The following RBM39 variants were observed in gnomAD, a reference collection of about 807,000 sequenced individuals.
RBM39 encodes the protein RNA binding motif protein 39.
Under a neutral mutation model 79.6 loss-of-function variants are expected in RBM39, and 12 were observed. The ratio of observed to expected loss-of-function variants is 0.15; its 90% CI spans 0.10 to 0.24. The LOEUF is 0.24. RBM39 is among the 10% of genes least tolerant of loss of function. The probability of loss-of-function intolerance (pLI) is 1.00; values close to 1 mark genes in which losing one functional copy is unlikely to be tolerated. For synonymous variants in RBM39, 185 were observed against 208.4 expected (o/e 0.89, Z 0.97); for missense variants, 243 against 653.4 (o/e 0.37, Z 6.85).
Position 35,704,340 on chromosome 20 carries a change from T to C in RBM39, c.*141A>G. The stretch of plus-strand genomic sequence containing the variant: ...AGCACACTGCATTCCTGTTAACATT[T>C]TTATTTTTTCAAGGTAACAGGAAAT... On this transcript the variant is annotated 3_prime_UTR_variant, in exon 17 of 17. Transcript: ENST00000253363. 3.2e-6 allele frequency: 2 copies of C among 626,946 alleles called. No homozygotes were observed. The highest frequency in any genetic ancestry group is 2.7e-6 in the Non-Finnish European group (1 of 369,076). The allele number at this position is 626,946 out of a possible 1,614,324, so 38.8% of individuals were successfully genotyped here.
At chr20:35,734,495 G>T (rs1044936260) in intron 3 of RBM39, 2 of 218,744 alleles carry the variant, frequency 9.1e-6, no homozygotes, top group South Asian at 1.2e-4. Flanking sequence ...TTCAATTAGG[G>T]AACAAGGTAA....
intron 9 of RBM39, among the ~76,000 whole-genome samples, chr20:35,719,540 T>C (rs2037628417): frequency 6.6e-6 from 1 of 151,686 alleles, no homozygotes; most frequent in African/African-American, 2.4e-5. Context: ...AGCTGGGCGT[T>C]GTGGTCAGAG....
At chr20:35,737,044 G>A (rs1488636548) in intron 3 of RBM39, among the ~76,000 whole-genome samples, 1 of 150,810 alleles carries the variant, frequency 6.6e-6, no homozygotes, top group African/African-American at 2.4e-5. Context: ...GGATCATGAG[G>A]TCAAGAGATG....
At chr20:35,735,023 CTA>C in intron 3 of RBM39, 1 of 1,606,646 alleles carries the variant, frequency 6.2e-7, no homozygotes, top group Non-Finnish European at 8.5e-7. Context: ...AGGTGTTTTG[CTA>C]TAACTGGATT....
intron 9 of RBM39, 112 bp from the exon 10 acceptor site, chr20:35,716,917 G>T: frequency 1.5e-6 from 1 of 654,616 alleles, no homozygotes; most frequent in South Asian, 2.0e-5. Context: ...CAAAATAGAA[G>T]ACTTATCACA....
chr20:35,719,833 G>A (rs919275563), intron 9 of RBM39, among the ~76,000 whole-genome samples: 1 of 152,002 alleles, frequency 6.6e-6, no homozygotes, highest in Non-Finnish European at 1.5e-5. Context: ...CTCTGGCTCT[G>A]TTATCCAGGC....
chr20:35,741,179 G>T (rs2040490335), intron 1 of RBM39, among the ~76,000 whole-genome samples: 1 of 151,272 alleles, frequency 6.6e-6, no homozygotes, highest in Non-Finnish European at 1.5e-5. Context: ...GATCACAGGC[G>T]CCTGCCACCA....
At chr20:35,735,773 G>A (rs910974541) in intron 3 of RBM39, among the ~76,000 whole-genome samples, 2 of 152,178 alleles carry the variant, frequency 1.3e-5, no homozygotes, top group African/African-American at 4.8e-5. Context: ...AGTCTGACTG[G>A]AAAGTATTTT....
At chr20:35,712,066 A>G (rs2036484610) in intron 12 of RBM39, among the ~76,000 whole-genome samples, 1 of 152,038 alleles carries the variant, frequency 6.6e-6, no homozygotes, top group African/African-American at 2.4e-5. Flanking sequence ...CCCACCAACA[A>G]AATAACAAAA....
chr20:35,712,950 G>A, intron 12 of RBM39, 69 bp downstream of exon 12: 1 of 1,310,098 alleles, frequency 7.6e-7, no homozygotes, highest in Non-Finnish European at 1.1e-6. Context: ...CCTTTTAAAT[G>A]TAAAAATTTG....
At position 35,734,502 on chromosome 20, in the gene RBM39, G is replaced by A. The variant is rs1600620941; in HGVS notation, c.102-2367C>T. On this transcript the variant is annotated intron_variant, in intron 3 of 16. Coordinates refer to ENST00000253363, the MANE Select transcript of RBM39 (RefSeq NM_184234.3). ...TAAATATATTCAATTAGGGAACAAG[G>A]TAAAAAGTAACTCCATCCCCCTCAA... The A allele has an allele frequency of 1.4e-5, 3 of 213,688 alleles. No homozygotes were observed. The East Asian group carries it at 3.7e-4, about 26-fold the overall frequency. 13.2% of individuals were successfully genotyped at this position (213,688 alleles called of 1,614,324 possible).
At chr20:35,724,765 C>A in intron 7 of RBM39, 43 bp from the exon 8 acceptor site, 2 of 1,593,726 alleles carry the variant, frequency 1.3e-6, no homozygotes, top group Non-Finnish European at 1.7e-6. Flanking sequence ...TCCATTGTAA[C>A]ACATGTAGAA....
At chr20:35,704,951 C>T (rs941379758) in intron 15 of RBM39, 16 of 596,302 alleles carry the variant, frequency 2.7e-5, no homozygotes, top group Non-Finnish European at 4.4e-5. Flanking sequence ...CTTTTCTCTA[C>T]GATTTGTATG....
intron 12 of RBM39, among the ~76,000 whole-genome samples, chr20:35,712,290 G>A (rs1244529476): frequency 6.6e-6 from 1 of 151,420 alleles, no homozygotes; most frequent in East Asian, 1.9e-4. Context: ...CCAACATGGT[G>A]AAACCCCATC....
intron 8 of RBM39, among the ~76,000 whole-genome samples, chr20:35,723,120 CCGA>C (rs977367055): frequency 3.3e-4 from 50 of 151,982 alleles, no homozygotes; most frequent in African/African-American, 1.2e-3. Flanking sequence ...ATTGGTATAA[CCGA>C]ACGTAGTTGT....
intron 14 of RBM39, 78 bp downstream of exon 14, chr20:35,707,042 A>G: frequency 3.0e-6 from 2 of 667,264 alleles, no homozygotes; most frequent in Non-Finnish European, 4.4e-6. Flanking sequence ...AAAAAAAAAA[A>G]AAAAAAAAAG....
At position 35,703,893 on chromosome 20, in the gene RBM39, C is replaced by T. The variant is rs2035430856; in HGVS notation, c.*588G>A. On this transcript the variant is annotated 3_prime_UTR_variant, in exon 17 of 17. Coordinates refer to ENST00000253363, the MANE Select transcript of RBM39 (RefSeq NM_184234.3). ...GATCATTTTGTTTGGAATTTTAAGA[C>T]ACACCAGAACACATAGTATTTACAA... 6.6e-6 allele frequency: 1 copy of T among 152,216 alleles called. No individual in the cohort carries two copies. The highest frequency in any genetic ancestry group is 2.1e-4 in the South Asian group (1 of 4,834). 9.4% of individuals were successfully genotyped at this position (152,216 alleles called of 1,614,324 possible). A position where few individuals can be genotyped will look rare whatever the true frequency, so the allele number is the denominator to read the frequency against.
intron 13 of RBM39, 116 bp downstream of exon 13, chr20:35,709,108 C>T (rs1364947669): frequency 1.1e-6 from 1 of 877,480 alleles, no homozygotes; most frequent in African/African-American, 1.7e-5. Flanking sequence ...GTCACTGTGT[C>T]AAAATTTGGT....
At chr20:35,715,819 A>T (rs1171165045) in intron 10 of RBM39, among the ~76,000 whole-genome samples, 1 of 151,842 alleles carries the variant, frequency 6.6e-6, no homozygotes, top group Non-Finnish European at 1.5e-5. Context: ...GGCTTGGTGC[A>T]CTCCCCCTGC....
Sources: gnomAD v4.1 joint callset for allele counts (sites outside exome capture counted in the v4.1 genomes callset) on GRCh38, gnomAD v4.1.1 for gene constraint, MANE v1.5 for transcripts, NCBI Gene and HGNC (gene_info 2026-07-23, HGNC 2026-07-21) for gene names.